ST18: variants seen among roughly 807,000 people sequenced by gnomAD.
The protein encoded by ST18 is suppression of tumorigenicity 18 protein.
In ST18, 50 loss-of-function variants were observed where a neutral mutation model predicts 110.0. The ratio of observed to expected loss-of-function variants is 0.45; its 90% confidence interval spans 0.36 to 0.58. The LOEUF (loss-of-function observed/expected upper bound fraction) is 0.58. ST18 is among the 20% of genes least tolerant of loss of function. The pLI is 0.00. For synonymous variants in ST18, 461 were observed against 452.4 expected (o/e 1.02, Z -0.24); for missense variants, 1,306 against 1,280.1 (o/e 1.02, Z -0.31).
chr8:52,389,090 C>G lies in ST18; in HGVS notation c.-465+20238G>C, dbSNP rs576772980. 1.4e-4 allele frequency among the ~76,000 whole-genome samples: 21 copies of G among 152,224 alleles called. 1 individual carries two copies. The South Asian group carries it at 4.2e-3, about 30-fold the overall frequency. ...GCTGCATGAAGCCCCGAGAGCCACACAGCCAAGAGGAGGCGAGGCGAGCCT... is the reference window on the plus strand; with the variant it reads ...GCTGCATGAAGCCCCGAGAGCCACAGAGCCAAGAGGAGGCGAGGCGAGCCT... On this transcript the variant is annotated intron_variant, in intron 2 of 25. Transcript: ENST00000689386.
At chr8:52,116,504 G>T in intron 24 of ST18, 86 bp from the exon 25 acceptor site, 1 of 1,349,984 alleles carries the variant, frequency 7.4e-7, no homozygotes, top group Non-Finnish European at 1.0e-6. Flanking sequence ...TGCACCAAGT[G>T]CATCTGAATA....
At chr8:52,340,149 C>CT (rs1814206280) in intron 2 of ST18, among the ~76,000 whole-genome samples, 2 of 152,248 alleles carry the variant, frequency 1.3e-5, no homozygotes, top group African/African-American at 2.4e-5. Context: ...TCAATGCCAT[C>CT]TTTTGGCACA....
chr8:52,121,284 A>G (rs2044701993), intron 23 of ST18, among the ~76,000 whole-genome samples: 2 of 152,204 alleles, frequency 1.3e-5, no homozygotes, highest in African/African-American at 4.8e-5. Context: ...TCAAAAAGGA[A>G]ACATTGTCAT....
chr8:52,409,502 G>A (rs963190073), intron 1 of ST18, 46 bp downstream of exon 1: 1 of 150,294 alleles, frequency 6.7e-6, no homozygotes, highest in African/African-American at 2.4e-5. Context: ...GAAAACCATT[G>A]ATTTTCAATC....
intron 12 of ST18, 120 bp downstream of exon 12, chr8:52,165,015 T>C: frequency 1.2e-6 from 1 of 845,788 alleles, no homozygotes; most frequent in Non-Finnish European, 2.0e-6. Flanking sequence ...ATTTCAAGTG[T>C]CACATATTGG....
intron 25 of ST18, among the ~76,000 whole-genome samples, chr8:52,113,954 G>GTTTTTTTT: frequency 0.018 from 822 of 45,434 alleles, 283 homozygotes; most frequent in Non-Finnish European, 0.025. Flanking sequence ...TTCATACCGT[G>GTTTTTTTT]TTTTTTTTTT....
At chr8:52,115,008 T>C (rs1212352846) in intron 25 of ST18, among the ~76,000 whole-genome samples, 1 of 152,190 alleles carries the variant, frequency 6.6e-6, no homozygotes, top group African/African-American at 2.4e-5. Flanking sequence ...ATAAATAACA[T>C]TGCAATGATT....
chr8:52,202,293 A>C (rs1230954999), intron 8 of ST18, among the ~76,000 whole-genome samples: 6 of 152,216 alleles, frequency 3.9e-5, no homozygotes, highest in South Asian at 2.1e-4. Context: ...AGGGGTAGAT[A>C]ATGTAAAATA....
At chr8:52,185,441 A>C (rs1240849728) in intron 8 of ST18, among the ~76,000 whole-genome samples, 1 of 152,212 alleles carries the variant, frequency 6.6e-6, no homozygotes, top group South Asian at 2.1e-4. Context: ...TTCTGTGGAA[A>C]TGAAAAGAAC....
chr8:52,201,347 T>C (rs2077894834), intron 8 of ST18: 1 of 151,654 alleles, frequency 6.6e-6, no homozygotes, highest in Admixed American at 6.6e-5. Flanking sequence ...AGTCTAGGAG[T>C]CTACTTCTCT....
intron 13 of ST18, among the ~76,000 whole-genome samples, chr8:52,163,361 C>T (rs986394030): frequency 6.6e-6 from 1 of 152,060 alleles, no homozygotes; most frequent in Non-Finnish European, 1.5e-5. Flanking sequence ...ATTTTCCCTA[C>T]AAAAATGATT....
rs570229361 is a variant in ST18, at chr8:52,369,367, C to T, written c.-465+39961G>A. ...GGAGTATACTATTTCTGAGTCATGC[C>T]CTTAAGAAAAAGAGAAATACTCTCT... On this transcript the variant is annotated intron_variant, in intron 2 of 25. Coordinates refer to ENST00000689386, the MANE Select transcript of ST18 (RefSeq NM_001352837.2). Among the ~76,000 whole-genome samples, 6 of 152,180 alleles carry T rather than the reference C, an allele frequency of 3.9e-5. No homozygotes were observed. In the South Asian group the frequency reaches 1.2e-3, roughly 32 times the overall value.
At chr8:52,198,332 A>G (rs2076859442) in intron 8 of ST18, among the ~76,000 whole-genome samples, 1 of 152,156 alleles carries the variant, frequency 6.6e-6, no homozygotes, top group African/African-American at 2.4e-5. Context: ...ACTATCATAC[A>G]TGTCAATTTC....
chr8:52,155,281 A>G (rs1258285267), intron 15 of ST18, among the ~76,000 whole-genome samples: 1 of 152,222 alleles, frequency 6.6e-6, no homozygotes, highest in African/African-American at 2.4e-5. Flanking sequence ...TCATCCACTA[A>G]GCACTGATAG....
chr8:52,170,710 C>T (rs190346729), intron 10 of ST18, among the ~76,000 whole-genome samples: 18 of 152,252 alleles, frequency 1.2e-4, no homozygotes, highest in African/African-American at 3.6e-4. Flanking sequence ...TCTGTTCCCA[C>T]TCCAACCCTT....
intron 8 of ST18, chr8:52,206,744 G>T (rs933287163): frequency 3.3e-5 from 5 of 152,170 alleles, no homozygotes; most frequent in African/African-American, 1.2e-4. Context: ...TAATGTTCAG[G>T]TCTGGCCTAG....
At chr8:52,173,821 G>T (rs527710097) in intron 9 of ST18, among the ~76,000 whole-genome samples, 5 of 152,334 alleles carry the variant, frequency 3.3e-5, no homozygotes, top group African/African-American at 1.2e-4. Flanking sequence ...ATCTTTGGAG[G>T]GAAGAAAAGC....
chr8:52,250,471 A>AT (rs2094208755), intron 2 of ST18, among the ~76,000 whole-genome samples: 4 of 150,130 alleles, frequency 2.7e-5, no homozygotes, highest in Non-Finnish European at 5.9e-5. Context: ...AAAAAAAAAA[A>AT]AAAAAAGATC....
chr8:52,247,271 C>A (rs2093939455), intron 2 of ST18, among the ~76,000 whole-genome samples: 1 of 152,104 alleles, frequency 6.6e-6, no homozygotes, highest in Non-Finnish European at 1.5e-5. Flanking sequence ...TAGATAAAGC[C>A]ATGCATATTT....
Sources: gnomAD v4.1 joint callset for allele counts (sites outside exome capture counted in the v4.1 genomes callset) on GRCh38, gnomAD v4.1.1 for gene constraint, MANE v1.5 for transcripts, NCBI Gene and HGNC (gene_info 2026-07-23, HGNC 2026-07-21) for gene names.